DLC1: variants seen among roughly 807,000 people sequenced by gnomAD.
The protein encoded by DLC1 is rho GTPase-activating protein 7.
In DLC1, 54 loss-of-function variants were observed where a neutral mutation model predicts 140.3. The ratio of observed to expected loss-of-function variants is 0.38; its 90% CI spans 0.31 to 0.48. DLC1 has a LOEUF of 0.48. Ranked by LOEUF, DLC1 falls within the 20% of genes least tolerant of loss-of-function variation. The probability of loss-of-function intolerance (pLI) is 0.96; values close to 1 mark genes in which losing one functional copy is unlikely to be tolerated. For synonymous variants in DLC1, 986 were observed against 728.1 expected (o/e 1.35, Z -5.70); for missense variants, 2,536 against 1,907.0 (o/e 1.33, Z -6.14).
intron 4 of DLC1, among the ~76,000 whole-genome samples, chr8:13,336,469 G>C (rs1281211798): frequency 6.6e-6 from 1 of 152,198 alleles, no homozygotes; most frequent in African/African-American, 2.4e-5. Flanking sequence ...CAAAGCATGA[G>C]ATTAGCTTGT....
At chr8:13,334,799 A>G (rs1833752614) in intron 4 of DLC1, among the ~76,000 whole-genome samples, 1 of 152,222 alleles carries the variant, frequency 6.6e-6, no homozygotes, top group South Asian at 2.1e-4. Flanking sequence ...GATGCTTGTT[A>G]GATGTCCAAA....
chr8:13,548,598 G>T (rs887227629), intron 1 of DLC1, among the ~76,000 whole-genome samples: 1 of 151,988 alleles, frequency 6.6e-6, no homozygotes, highest in African/African-American at 2.4e-5. Context: ...TAAGAGGTGG[G>T]ACCTTTAATA....
At chr8:13,359,478 G>A (rs1835119444) in intron 4 of DLC1, among the ~76,000 whole-genome samples, 1 of 152,122 alleles carries the variant, frequency 6.6e-6, no homozygotes, top group South Asian at 2.1e-4. Flanking sequence ...GGCTCTGCTT[G>A]AGGTTAGTGG....
At chr8:13,326,598 C>G (rs1460379829) in intron 4 of DLC1, among the ~76,000 whole-genome samples, 4 of 152,114 alleles carry the variant, frequency 2.6e-5, no homozygotes, top group Non-Finnish European at 5.9e-5. Flanking sequence ...AAGAGCCTGA[C>G]AAATCAGGTA....
chr8:13,582,335 T>C (rs1229102129), intron 1 of DLC1, among the ~76,000 whole-genome samples: 1 of 152,180 alleles, frequency 6.6e-6, no homozygotes, highest in African/African-American at 2.4e-5. Flanking sequence ...GTCAACTTGA[T>C]TGGATCAAAG....
At chr8:13,417,227 A>G (rs1036974339) in intron 2 of DLC1, among the ~76,000 whole-genome samples, 9 of 151,988 alleles carry the variant, frequency 5.9e-5, no homozygotes, top group Non-Finnish European at 1.2e-4. Flanking sequence ...TTATTATTAT[A>G]CTTTAAGTTT....
At chr8:13,144,032 G>A (rs1221778982) in intron 5 of DLC1, among the ~76,000 whole-genome samples, 1 of 152,146 alleles carries the variant, frequency 6.6e-6, no homozygotes, top group African/African-American at 2.4e-5. Flanking sequence ...TGGGTAAAAA[G>A]GGCTGAACAG....
intron 4 of DLC1, among the ~76,000 whole-genome samples, chr8:13,320,969 G>A (rs1300804807): frequency 1.3e-5 from 2 of 152,184 alleles, no homozygotes; most frequent in Non-Finnish European, 2.9e-5. Context: ...TCTGCCACCA[G>A]TGGAAGAGCC....
intron 2 of DLC1, among the ~76,000 whole-genome samples, chr8:13,456,159 A>T (rs976761292): frequency 6.6e-6 from 1 of 152,140 alleles, no homozygotes; most frequent in Non-Finnish European, 1.5e-5. Context: ...GGGTCCATGG[A>T]TCCCTAATAA....
intron 5 of DLC1, among the ~76,000 whole-genome samples, chr8:13,170,403 G>A (rs7828964): frequency 0.22 from 33,470 of 152,032 alleles, 4,950 homozygotes; most frequent in African/African-American, 0.4. Context: ...CATATAAATG[G>A]CATACATTAC....
chr8:13,327,343 A>G lies in DLC1; in HGVS notation c.1315-22041T>C, dbSNP rs539612867. ...GCCCCAAATGGGATCTGACCAAGAA[A>G]GACTATTTCTAGAATTCAGATAGAA... On this transcript the variant is annotated intron_variant, in intron 4 of 17. Coordinates refer to ENST00000276297, the MANE Select transcript of DLC1 (RefSeq NM_182643.3). Among the ~76,000 whole-genome samples, 6 of 152,288 alleles carry G rather than the reference A, an allele frequency of 3.9e-5. No individual in the cohort carries two copies. In the South Asian group the frequency reaches 1.2e-3, roughly 32 times the overall value.
chr8:13,283,646 C>A (rs1292736493), intron 5 of DLC1, among the ~76,000 whole-genome samples: 2 of 152,144 alleles, frequency 1.3e-5, no homozygotes, highest in African/African-American at 4.8e-5. Flanking sequence ...TCCTGAGTAG[C>A]CTGGACTACA....
intron 4 of DLC1, among the ~76,000 whole-genome samples, chr8:13,375,146 G>A (rs556443189): frequency 6.9e-4 from 105 of 151,092 alleles, no homozygotes; most frequent in African/African-American, 2.2e-3. Context: ...TCCTGCCTTA[G>A]CCTCCTGAGT....
At chr8:13,125,650 A>G (rs1821491261) in intron 5 of DLC1, among the ~76,000 whole-genome samples, 1 of 152,158 alleles carries the variant, frequency 6.6e-6, no homozygotes, top group Non-Finnish European at 1.5e-5. Flanking sequence ...CTATTTCAAC[A>G]GTGCCCTCAC....
intron 4 of DLC1, among the ~76,000 whole-genome samples, chr8:13,307,928 T>C (rs1201755995): frequency 2.0e-5 from 3 of 152,226 alleles, no homozygotes; most frequent in Admixed American, 6.5e-5. Context: ...GGATTGGTCT[T>C]ATGATAAGAC....
chr8:13,331,715 A>T (rs1833597164), intron 4 of DLC1, among the ~76,000 whole-genome samples: 1 of 152,188 alleles, frequency 6.6e-6, no homozygotes. Context: ...GAAACTTTTC[A>T]TAAAACCTGA....
At chr8:13,168,090 G>A (rs1825224466) in intron 5 of DLC1, among the ~76,000 whole-genome samples, 1 of 152,184 alleles carries the variant, frequency 6.6e-6, no homozygotes, top group Non-Finnish European at 1.5e-5. Context: ...CTAAGCCACA[G>A]TGATGTCTCT....
chr8:13,256,897 A>G (rs1586016608), intron 5 of DLC1, among the ~76,000 whole-genome samples: 1 of 151,958 alleles, frequency 6.6e-6, no homozygotes, highest in Non-Finnish European at 1.5e-5. Flanking sequence ...AAAAAAAAAA[A>G]AAGGCAGAGG....
chr8:13,175,904 A>C (rs990086895), intron 5 of DLC1, among the ~76,000 whole-genome samples: 5 of 152,052 alleles, frequency 3.3e-5, no homozygotes, highest in African/African-American at 1.2e-4. Flanking sequence ...CCCTGCAAAC[A>C]CTTATCTGTT....
Sources: allele counts gnomAD v4.1 joint callset (sites outside exome capture counted in the v4.1 genomes callset), GRCh38; gene constraint gnomAD v4.1.1; transcripts MANE v1.5; gene names NCBI Gene and HGNC (gene_info 2026-07-23, HGNC 2026-07-21).